Variants in KCNB2 observed in about 807,000 individuals in gnomAD.
KCNB2 encodes the protein delayed rectifier potassium channel protein.
In KCNB2, 15 loss-of-function variants were observed where a neutral mutation model predicts 61.5. The observed-to-expected ratio is 0.24, with a 90% CI of 0.16 to 0.38. KCNB2 has a LOEUF of 0.38. Ranked by LOEUF, KCNB2 falls within the 10% of genes least tolerant of loss-of-function variation. The pLI is 1.00. For missense variants in KCNB2, 828 were observed against 1,125.2 expected (o/e 0.74, Z 3.78); for synonymous variants, 457 against 446.0 (o/e 1.02, Z -0.31).
intron 2 of KCNB2, among the ~76,000 whole-genome samples, chr8:72,720,539 T>A (rs144385210): frequency 1.9e-3 from 294 of 152,310 alleles, no homozygotes; most frequent in African/African-American, 6.4e-3. Context: ...CCATCATATT[T>A]GTTTCCTCAC....
At chr8:72,884,336 A>G (rs1050416745) in intron 2 of KCNB2, among the ~76,000 whole-genome samples, 1 of 151,972 alleles carries the variant, frequency 6.6e-6, no homozygotes, top group Non-Finnish European at 1.5e-5. Flanking sequence ...GGTTTTGTGC[A>G]TCACAAATAA....
chr8:72,838,564 A>G (rs957285794), intron 2 of KCNB2, among the ~76,000 whole-genome samples: 1 of 152,232 alleles, frequency 6.6e-6, no homozygotes. Context: ...TAGTGCCGCA[A>G]TAAACATACG....
chr8:72,695,433 G>C (rs1807003611), intron 2 of KCNB2, among the ~76,000 whole-genome samples: 1 of 152,060 alleles, frequency 6.6e-6, no homozygotes, highest in Admixed American at 6.6e-5. Context: ...AATAAGTATA[G>C]AGTTTACTTA....
Position 72,906,288 on chromosome 8 carries a change from C to T in KCNB2, c.580-29647C>T, listed in dbSNP as rs187331024. On this transcript the variant is annotated intron_variant, in intron 2 of 2. Coordinates refer to ENST00000523207, the MANE Select transcript of KCNB2 (RefSeq NM_004770.3). Reference sequence around the variant, plus strand: ...ATGTATAGTTTCTAATCTAAAACTCCTATTTTAAGAAGCCAATGAATCTTT... The same window carrying T: ...ATGTATAGTTTCTAATCTAAAACTCTTATTTTAAGAAGCCAATGAATCTTT... Among the ~76,000 whole-genome samples the T allele has an allele frequency of 3.3e-5, 5 of 152,258 alleles. No individual in the cohort carries two copies. The East Asian group carries it at 5.8e-4, about 18-fold the overall frequency.
chr8:72,805,130 C>A (rs995812), intron 2 of KCNB2, among the ~76,000 whole-genome samples: 1 of 151,932 alleles, frequency 6.6e-6, no homozygotes, highest in Non-Finnish European at 1.5e-5. Flanking sequence ...GGATCATGTG[C>A]GTTCATACAC....
chr8:72,895,407 G>A (rs1281307438), intron 2 of KCNB2, among the ~76,000 whole-genome samples: 1 of 152,158 alleles, frequency 6.6e-6, no homozygotes, highest in Non-Finnish European at 1.5e-5. Flanking sequence ...AAGAAGGGGA[G>A]CATGACCTAA....
intron 2 of KCNB2, among the ~76,000 whole-genome samples, chr8:72,604,040 A>G (rs1805408884): frequency 6.6e-6 from 1 of 152,164 alleles, no homozygotes; most frequent in East Asian, 1.9e-4. Flanking sequence ...CTGTGAGAGA[A>G]TACATGTTGC....
chr8:72,617,910 G>T (rs534569077), intron 2 of KCNB2, among the ~76,000 whole-genome samples: 1 of 152,248 alleles, frequency 6.6e-6, no homozygotes, highest in African/African-American at 2.4e-5. Context: ...TATCTAAGCG[G>T]CGTCTGAAGC....
At chr8:72,927,111 A>C (rs773445671) in intron 2 of KCNB2, among the ~76,000 whole-genome samples, 7 of 152,176 alleles carry the variant, frequency 4.6e-5, no homozygotes, top group Non-Finnish European at 1.0e-4. Context: ...ACATAAAGCC[A>C]GTGCTGCTGG....
chr8:72,719,372 G>A (rs73309883), intron 2 of KCNB2, among the ~76,000 whole-genome samples: 3,856 of 152,204 alleles, frequency 0.025, 68 homozygotes, highest in South Asian at 0.075. Context: ...TTTTCTTGGG[G>A]ACAACAAGCA....
chr8:72,714,090 C>A (rs185546408), intron 2 of KCNB2, among the ~76,000 whole-genome samples: 1 of 151,942 alleles, frequency 6.6e-6, no homozygotes, highest in Admixed American at 6.6e-5. Context: ...TGAAATGAAG[C>A]GTGAAGAAAA....
chr8:72,564,143 A>G (rs911735893), intron 1 of KCNB2, among the ~76,000 whole-genome samples: 1 of 152,226 alleles, frequency 6.6e-6, no homozygotes, highest in African/African-American at 2.4e-5. Context: ...CTCTTGAGAC[A>G]CACACCCTAC....
At position 72,545,974 on chromosome 8, in the gene KCNB2, C is replaced by G. The variant is rs150044372; in HGVS notation, c.-94+8089C>G. Reference sequence around the variant, plus strand: ...AACCAAAGCCTAATCCAGAACAAGACCTTAACTCTCTTCAATTCCATGAAG... The same window carrying G: ...AACCAAAGCCTAATCCAGAACAAGAGCTTAACTCTCTTCAATTCCATGAAG... On this transcript the variant is annotated intron_variant, in intron 1 of 2. Transcript: ENST00000523207. 9.1e-3 allele frequency among the ~76,000 whole-genome samples: 1,378 copies of G among 152,240 alleles called. 12 individuals are homozygous for G. The highest frequency in any genetic ancestry group is 0.054 in the Middle Eastern group (16 of 294).
chr8:72,846,734 T>C (rs893795191), intron 2 of KCNB2, among the ~76,000 whole-genome samples: 1 of 151,970 alleles, frequency 6.6e-6, no homozygotes, highest in Non-Finnish European at 1.5e-5. Context: ...ATTAGAATGG[T>C]GATCATTAAA....
At chr8:72,642,334 T>A (rs1384860292) in intron 2 of KCNB2, among the ~76,000 whole-genome samples, 1 of 152,158 alleles carries the variant, frequency 6.6e-6, no homozygotes, top group Non-Finnish European at 1.5e-5. Context: ...TACTTATTTG[T>A]TTTTACTTTT....
At chr8:72,721,352 T>C (rs1243245875) in intron 2 of KCNB2, among the ~76,000 whole-genome samples, 3 of 152,364 alleles carry the variant, frequency 2.0e-5, no homozygotes, top group South Asian at 2.1e-4. Context: ...TTCAGTGTGC[T>C]CTTTTCTCCT....
At chr8:72,652,279 C>T (rs1170810444) in intron 2 of KCNB2, among the ~76,000 whole-genome samples, 1 of 152,126 alleles carries the variant, frequency 6.6e-6, no homozygotes, top group African/African-American at 2.4e-5. Context: ...AATGCTCATG[C>T]TCATGCCGTA....
At chr8:72,619,908 A>G (rs1048222537) in intron 2 of KCNB2, among the ~76,000 whole-genome samples, 1 of 152,206 alleles carries the variant, frequency 6.6e-6, no homozygotes, top group Non-Finnish European at 1.5e-5. Context: ...ACTATCCAAT[A>G]TGGTAACTAC....
intron 2 of KCNB2, among the ~76,000 whole-genome samples, chr8:72,655,789 A>G (rs748053236): frequency 6.6e-6 from 1 of 152,160 alleles, no homozygotes; most frequent in African/African-American, 2.4e-5. Flanking sequence ...ACATTATTCT[A>G]AAAGATGGCA....
Sources: allele counts gnomAD v4.1 joint callset (sites outside exome capture counted in the v4.1 genomes callset), GRCh38; gene constraint gnomAD v4.1.1; transcripts MANE v1.5; gene names NCBI Gene and HGNC (gene_info 2026-07-23, HGNC 2026-07-21).